Variants in SAMMSON observed in about 807,000 individuals in gnomAD.
SAMMSON encodes long intergenic non-protein coding RNA 1212.
chr3:70,365,839 T>C (rs545232830), intron 9 of SAMMSON, among the ~76,000 whole-genome samples: 433 of 151,858 alleles, frequency 2.9e-3, no homozygotes, highest in Non-Finnish European at 3.5e-3. Context: ...TGACCTCCTA[T>C]TTTTTAAAAT....
intron 7 of SAMMSON, among the ~76,000 whole-genome samples, chr3:70,327,323 A>G (rs890193796): frequency 6.6e-6 from 1 of 152,216 alleles, no homozygotes; most frequent in Non-Finnish European, 1.5e-5. Context: ...GTAATTAGAC[A>G]TTAGACAACA....
At chr3:70,032,413 T>C (rs2067069459) in intron 3 of SAMMSON, among the ~76,000 whole-genome samples, 1 of 152,230 alleles carries the variant, frequency 6.6e-6, no homozygotes, top group Non-Finnish European at 1.5e-5. Context: ...TAAAGATGTA[T>C]TGAACCGTGA....
At chr3:70,072,076 A>C (rs2067232146) in intron 4 of SAMMSON, 1 of 151,298 alleles carries the variant, frequency 6.6e-6, no homozygotes, top group South Asian at 2.1e-4. Context: ...TTTCAAAGGT[A>C]CTCTCTCCTC....
At chr3:70,392,390 T>G (rs1701056991), downstream of SAMMSON, among the ~76,000 whole-genome samples, 1 of 152,138 alleles carries the variant, frequency 6.6e-6, no homozygotes, top group Non-Finnish European at 1.5e-5. Flanking sequence ...AAGCCTGGCT[T>G]TACCTGACTC....
chr3:70,366,277 A>C (rs2106742986), intron 9 of SAMMSON, among the ~76,000 whole-genome samples: 1 of 24,580 alleles, frequency 4.1e-5, no homozygotes, highest in East Asian at 5.6e-4. Context: ...GGCGTGAGCC[A>C]CTGCGCCCGG....
At chr3:70,199,572 C>T (rs570799264) in intron 4 of SAMMSON, among the ~76,000 whole-genome samples, 9 of 152,106 alleles carry the variant, frequency 5.9e-5, no homozygotes, top group African/African-American at 9.6e-5. Flanking sequence ...CAGATTTTTC[C>T]GATCTTTCAA....
intron 3 of SAMMSON, among the ~76,000 whole-genome samples, chr3:70,070,705 A>T (rs2067226348): frequency 6.6e-6 from 1 of 152,002 alleles, no homozygotes; most frequent in Admixed American, 6.6e-5. Context: ...ACATTTACAG[A>T]TGGCAGTGAT....
At chr3:70,167,386 A>G (rs533394598) in intron 4 of SAMMSON, among the ~76,000 whole-genome samples, 10 of 152,122 alleles carry the variant, frequency 6.6e-5, no homozygotes, top group Admixed American at 4.6e-4. Context: ...CTTCTAATAG[A>G]TGATCTTCTT....
At chr3:70,267,225 A>C (rs1320261729) in intron 6 of SAMMSON, among the ~76,000 whole-genome samples, 2 of 152,036 alleles carry the variant, frequency 1.3e-5, no homozygotes, top group African/African-American at 4.8e-5. Flanking sequence ...AAGAAGTCTC[A>C]TTTTTACGAA....
intron 2 of SAMMSON, among the ~76,000 whole-genome samples, chr3:70,418,417 G>T (rs1701282572): frequency 1.3e-5 from 2 of 152,200 alleles, no homozygotes; most frequent in South Asian, 4.1e-4. Flanking sequence ...GAATGGGGTG[G>T]ATGTCAGGGC....
At chr3:70,389,793 T>C (rs930741370) in exon 10 of SAMMSON, 8 of 152,142 alleles carry the variant, frequency 5.3e-5, no homozygotes, top group Admixed American at 2.0e-4. Flanking sequence ...GAAGTGGTCA[T>C]TGGAAATACC....
intron 3 of SAMMSON, among the ~76,000 whole-genome samples, chr3:70,052,340 C>A (rs115259657): frequency 6.6e-6 from 1 of 152,024 alleles, no homozygotes. Flanking sequence ...GAGTAAATGA[C>A]GGAGGAGCAC....
At position 70,322,344 on chromosome 3, in the gene SAMMSON, A is replaced by AG. The variant is rs1332967576; in HGVS notation, n.739+31105dup. 5.3e-5 allele frequency among the ~76,000 whole-genome samples: 8 copies of AG among 152,156 alleles called. No individual in the cohort carries two copies. The Middle Eastern group carries it at 0.014, about 259-fold the overall frequency. On this transcript the variant is annotated intron_variant and non_coding_transcript_variant, in intron 7 of 9. Transcript: ENST00000642114. ...TAGCATCTGTCTTTCTCTTGAGGGA[A>AG]GGGGCATCATTTGTCTACATGTAGT...
intron 7 of SAMMSON, among the ~76,000 whole-genome samples, chr3:70,333,918 A>C (rs1702644160): frequency 6.6e-6 from 1 of 152,212 alleles, no homozygotes; most frequent in South Asian, 2.1e-4. Context: ...TTGGTTGACA[A>C]TGACTTTCTC....
In SAMMSON at chr3:70,022,426, C is replaced by CAAAAAAAAAAAAAAAAAAA. The variant is rs60455629; in HGVS notation, n.417+8760_417+8778dup. Among the ~76,000 whole-genome samples the CAAAAAAAAAAAAAAAAAAA allele has an allele frequency of 9.9e-5, 9 of 91,124 alleles. 1 individual carries two copies. Among genetic ancestry groups the CAAAAAAAAAAAAAAAAAAA allele is most frequent in the African/African-American group, 1.2e-4 (3 of 25,196 alleles). The allele number at this position is 91,124 out of a possible 152,430, so 59.8% of individuals were successfully genotyped here. On this transcript the variant is annotated intron_variant and non_coding_transcript_variant, in intron 3 of 9. Transcript: ENST00000642114. ...TACCCTAAAACTTAAAGTATAATAA[C>CAAAAAAAAAAAAAAAAAAA]AAAAAAAAAAAAAAAAAAAAAAAAG...
At chr3:70,089,847 G>T (rs972951721) in intron 4 of SAMMSON, among the ~76,000 whole-genome samples, 1 of 152,146 alleles carries the variant, frequency 6.6e-6, no homozygotes, top group East Asian at 1.9e-4. Flanking sequence ...TACAGGTAGA[G>T]TGTGGGAGTC....
chr3:70,434,523 T>A (rs1701443523), intron 2 of SAMMSON, among the ~76,000 whole-genome samples: 1 of 152,204 alleles, frequency 6.6e-6, no homozygotes, highest in Admixed American at 6.5e-5. Flanking sequence ...TTTTTGTTGA[T>A]TGGGATTTTC....
intron 9 of SAMMSON, among the ~76,000 whole-genome samples, chr3:70,376,042 G>A (rs960911276): frequency 6.6e-6 from 1 of 152,246 alleles, no homozygotes; most frequent in East Asian, 1.9e-4. Flanking sequence ...ATAGGGAGAC[G>A]TTTTCATATG....
chr3:70,016,900 T>C (rs1576097318), intron 3 of SAMMSON, among the ~76,000 whole-genome samples: 2 of 152,300 alleles, frequency 1.3e-5, no homozygotes, highest in Middle Eastern at 6.8e-3. Context: ...TGGTTGTAGA[T>C]ATGCGGCATT....
Sources: allele counts gnomAD v4.1 joint callset (sites outside exome capture counted in the v4.1 genomes callset), GRCh38; gene constraint gnomAD v4.1.1; transcripts MANE v1.5; gene names NCBI Gene and HGNC (gene_info 2026-07-23, HGNC 2026-07-21).